The following MALRD1 variants were observed in gnomAD, a reference collection of about 807,000 sequenced individuals.
MALRD1 encodes the protein MAM and LDL-receptor class A domain-containing protein 1.
A neutral mutation model predicts 242.1 loss-of-function variants in MALRD1; 247 were observed. The observed-to-expected ratio is 1.02, with a 90% CI of 0.92 to 1.13. The LOEUF (loss-of-function observed/expected upper bound fraction) is 1.13. Ranked by LOEUF, MALRD1 falls within the 50% of genes most tolerant of loss-of-function variation. The pLI, the probability that MALRD1 is intolerant of heterozygous loss-of-function variation, is 0.00. For missense variants in MALRD1, 2,989 were observed against 2,533.1 expected (o/e 1.18, Z -3.86); for synonymous variants, 995 against 866.6 (o/e 1.15, Z -2.60).
chr10:19,478,709 A>C (rs1350593809), intron 29 of MALRD1, among the ~76,000 whole-genome samples: 1 of 152,052 alleles, frequency 6.6e-6, no homozygotes, highest in South Asian at 2.1e-4. Flanking sequence ...TTTCTGCCTC[A>C]TTTCATCACG....
intron 28 of MALRD1, among the ~76,000 whole-genome samples, chr10:19,449,646 A>G (rs964231846): frequency 9.2e-5 from 14 of 152,182 alleles, no homozygotes; most frequent in Admixed American, 8.5e-4. Flanking sequence ...TGGGGCATAT[A>G]TACAGACCCG....
chr10:19,418,270 C>T (rs553273320), intron 28 of MALRD1, among the ~76,000 whole-genome samples: 3 of 152,022 alleles, frequency 2.0e-5, no homozygotes, highest in Admixed American at 6.6e-5. Context: ...ACCATTCCCC[C>T]CCACGCCCCC....
At chr10:19,467,235 GTCT>G (rs201079387) in intron 29 of MALRD1, among the ~76,000 whole-genome samples, 121,534 of 149,610 alleles carry the variant, frequency 0.81, 49,539 homozygotes, top group East Asian at 1. Context: ...GGCGCCTGTA[GTCT>G]CAGCTACTCA....
At position 19,171,991 on chromosome 10, in the gene MALRD1, A is replaced by G. The variant is rs1039139914; in HGVS notation, c.1831-3217A>G. ...ATATGTGATATATATCATATAATAT[A>G]TGTATATATCACATATATGTGATAT... On this transcript the variant is annotated intron_variant, in intron 13 of 39. Transcript: ENST00000454679. 4.2e-3 allele frequency among the ~76,000 whole-genome samples: 26 copies of G among 6,234 alleles called. 4 individuals are homozygous for G. Among genetic ancestry groups the G allele is most frequent in the East Asian group, 0.023 (2 of 86 alleles). 4.1% of individuals were successfully genotyped at this position (6,234 alleles called of 152,430 possible).
chr10:19,555,139 A>C (rs1855154), intron 32 of MALRD1, among the ~76,000 whole-genome samples: 1 of 151,914 alleles, frequency 6.6e-6, no homozygotes, highest in Non-Finnish European at 1.5e-5. Flanking sequence ...TTCTTTAATG[A>C]TCAGTGATGT....
In MALRD1 at chr10:19,324,599, A is replaced by ATT. The variant is rs34635923; in HGVS notation, c.3576+503_3576+504dup. On this transcript the variant is annotated intron_variant, in intron 22 of 39. Transcript: ENST00000454679. ...AATATACACTTCACTCAGAGATCTT[A>ATT]TTTTTTTTTTAAAAAAAAACGAGTT... Among the ~76,000 whole-genome samples, 567 of 146,936 alleles carry ATT rather than the reference A, an allele frequency of 3.9e-3. 3 individuals carry two copies. The highest frequency in any genetic ancestry group is 0.012 in the African/African-American group (467 of 39,632).
In MALRD1 at chr10:19,450,485, C is replaced by T. The variant is rs776695419; in HGVS notation, c.5024C>T (p.Thr1675Ile). The T allele has an allele frequency of 1.3e-6, 2 of 1,544,638 alleles. No homozygotes were observed. The highest frequency in any genetic ancestry group is 1.2e-5 in the South Asian group (1 of 82,674). ...GATGATATTGAATTTAAAAACTGCA[C>T]AACTGGTAAGTTTCCAGAAAGCACT... ...AIDDIEFKNC[T>I]TVGEISELCP... is the part of the protein sequence containing the mutation. The change falls in exon 29 of 40, where the codon ACA becomes ATA. Residue 1675 changes from threonine to isoleucine, a missense_variant. Transcript: ENST00000454679.
rs773268218 is a variant in MALRD1, at chr10:19,607,780, A to T, written c.5948A>T (p.Asn1983Ile). The change falls in exon 35 of 40, where the codon AAC becomes ATC. Residue 1983 changes from asparagine to isoleucine, a missense_variant. By Grantham distance (149) the Asn-to-Ile change is moderately radical. Transcript: ENST00000454679. ...CATTATTCTTTTTTTTTTGCAGCCA[A>T]CAAAAGCTGTTCTAATGGAGCTCTG... The part of the protein sequence containing the change: ...HFNEDELICS[N>I]KSCSNGALVC... 5.8e-6 allele frequency: 9 copies of T among 1,547,666 alleles called. No homozygotes were observed. Among genetic ancestry groups the T allele is most frequent in the Non-Finnish European group, 3.5e-6 (4 of 1,145,766 alleles).
At chr10:19,632,133 AG>A (rs1343807114) in intron 36 of MALRD1, among the ~76,000 whole-genome samples, 1 of 152,210 alleles carries the variant, frequency 6.6e-6, no homozygotes, top group African/African-American at 2.4e-5. Flanking sequence ...AACTAGCAGC[AG>A]TAGAAAGCCT....
chr10:19,653,723 G>C (rs1840995795), intron 36 of MALRD1, among the ~76,000 whole-genome samples: 1 of 151,986 alleles, frequency 6.6e-6, no homozygotes, highest in Non-Finnish European at 1.5e-5. Context: ...TCTGTAAGCA[G>C]GTAACTCAAA....
intron 29 of MALRD1, among the ~76,000 whole-genome samples, chr10:19,452,819 A>G (rs1835402111): frequency 6.6e-6 from 1 of 152,154 alleles, no homozygotes; most frequent in Non-Finnish European, 1.5e-5. Flanking sequence ...CAAAGTCAGA[A>G]AGGCACTTTA....
chr10:19,262,489 A>G (rs535673051), intron 19 of MALRD1, among the ~76,000 whole-genome samples: 1 of 151,856 alleles, frequency 6.6e-6, no homozygotes, highest in Non-Finnish European at 1.5e-5. Flanking sequence ...AACGTGGTCT[A>G]TACTAAAAAT....
At chr10:19,106,985 G>T (rs1836486575) in intron 5 of MALRD1, among the ~76,000 whole-genome samples, 1 of 151,918 alleles carries the variant, frequency 6.6e-6, no homozygotes. Context: ...GTTTTGGCTG[G>T]AAAAGATAAT....
chr10:19,430,694 A>G (rs570093200), intron 28 of MALRD1, among the ~76,000 whole-genome samples: 5 of 152,210 alleles, frequency 3.3e-5, no homozygotes, highest in Admixed American at 2.6e-4. Context: ...CATAAAAGAC[A>G]CTTAATATTA....
chr10:19,125,318 CTTCCTTCT>C (rs1373737412), intron 7 of MALRD1, among the ~76,000 whole-genome samples: 1,634 of 79,186 alleles, frequency 0.021, 12 homozygotes, highest in Middle Eastern at 0.032. Flanking sequence ...TCCTTCCTTC[CTTCCTTCT>C]TTCTTTCTTT....
chr10:19,498,508 A>G lies in MALRD1; in HGVS notation c.5182A>G (p.Ser1728Gly), dbSNP rs1837826046. 6.5e-7 allele frequency: 1 copy of G among 1,550,298 alleles called. No homozygotes were observed. The highest frequency in any genetic ancestry group is 8.7e-7 in the Non-Finnish European group (1 of 1,146,768). The change falls in exon 31 of 40, where the codon AGC (serine) becomes GGC (glycine). Residue 1728 changes from serine to glycine, a missense_variant. By Grantham distance (56) the Ser-to-Gly change is moderately conservative. Coordinates refer to ENST00000454679, the MANE Select transcript of MALRD1 (RefSeq NM_001142308.3). Reference sequence around the variant, plus strand: ...AGCACATTATACAAGCACAACAGGAAGCTGCAATTTTGAAACAAGTTCAGG... The same window carrying G: ...AGCACATTATACAAGCACAACAGGAGGCTGCAATTTTGAAACAAGTTCAGG... ...HCAHYTSTTG[S>G]CNFETSSGNW... is the part of the protein sequence containing the mutation.
Position 19,147,478 on chromosome 10 carries a change from G to T in MALRD1, c.1558+1134G>T, listed in dbSNP as rs1056519736. Among the ~76,000 whole-genome samples, 3 of 152,268 alleles carry T rather than the reference G, an allele frequency of 2.0e-5. 1 individual carries two copies. The East Asian group carries it at 5.8e-4, about 29-fold the overall frequency. ...AACATTTTGTGGCAGACAAAGTTAA[G>T]TTTAAAGTTTAAAATAGAAAGGGGA... is the stretch of plus-strand genomic sequence containing the variant. On this transcript the variant is annotated intron_variant, in intron 11 of 39. Transcript: ENST00000454679.
chr10:19,433,000 T>C (rs537497623), intron 28 of MALRD1, among the ~76,000 whole-genome samples: 1 of 152,330 alleles, frequency 6.6e-6, no homozygotes, highest in South Asian at 2.1e-4. Context: ...TGCACACATA[T>C]ATGTATATAT....
intron 38 of MALRD1, among the ~76,000 whole-genome samples, chr10:19,701,989 T>C (rs906710916): frequency 5.3e-5 from 8 of 152,020 alleles, no homozygotes; most frequent in African/African-American, 1.9e-4. Context: ...AAAATTCTTA[T>C]TTCATTGACT....
Sources: allele counts gnomAD v4.1 joint callset (sites outside exome capture counted in the v4.1 genomes callset), GRCh38; gene constraint gnomAD v4.1.1; transcripts MANE v1.5; gene names NCBI Gene and HGNC (gene_info 2026-07-23, HGNC 2026-07-21).